Variants in TMEM43 observed in about 807,000 individuals in gnomAD.
TMEM43 encodes transmembrane protein 43.
A neutral mutation model predicts 49.6 loss-of-function variants in TMEM43; 45 were observed. That is an observed-to-expected ratio of 0.91 (90% CI 0.71 to 1.16). The LOEUF is 1.16. Among genes scored for constraint, TMEM43 ranks in the 50% most tolerant of loss-of-function variants. The probability of loss-of-function intolerance (pLI) is 0.00; values close to 1 mark genes in which losing one functional copy is unlikely to be tolerated. For missense variants in TMEM43, 532 were observed against 516.6 expected (o/e 1.03, Z -0.29); for synonymous variants, 199 against 207.8 (o/e 0.96, Z 0.36).
At chr3:14,136,330 T>C (rs1290503651) in intron 10 of TMEM43, among the ~76,000 whole-genome samples, 2 of 152,214 alleles carry the variant, frequency 1.3e-5, no homozygotes, top group Non-Finnish European at 2.9e-5. Flanking sequence ...TTTTGGATTG[T>C]GGATGCTGAG....
intron 11 of TMEM43, 47 bp downstream of exon 11, chr3:14,139,344 G>A (rs997072431): frequency 1.5e-6 from 2 of 1,332,816 alleles, no homozygotes; most frequent in Non-Finnish European, 2.2e-6. Context: ...ACCCTGAAAG[G>A]GCCTCCTCTG....
At chr3:14,135,315 C>T (rs181840641) in intron 9 of TMEM43, 83 bp downstream of exon 9, 18 of 1,151,934 alleles carry the variant, frequency 1.6e-5, no homozygotes, top group East Asian at 1.2e-4. Flanking sequence ...ATGTCAGGAG[C>T]GCTTGGACCC....
Position 14,138,345 on chromosome 3 carries a change from G to A in TMEM43, c.883-835G>A, listed in dbSNP as rs534430365. On this transcript the variant is annotated intron_variant, in intron 10 of 11. Transcript: ENST00000306077. The stretch of plus-strand genomic sequence containing the variant: ...TGGCAGGGCTCTGGCAGGTGACTGT[G>A]TGGAGAACACAGAGTGGGTGATAGA... Among the ~76,000 whole-genome samples, 144 of 152,292 alleles carry A rather than the reference G, an allele frequency of 9.5e-4. 1 individual carries two copies. The highest frequency in any genetic ancestry group is 3.4e-3 in the Middle Eastern group (1 of 294).
chr3:14,137,309 A>G (rs980001764), intron 10 of TMEM43: 2 of 152,174 alleles, frequency 1.3e-5, no homozygotes, highest in African/African-American at 4.8e-5. Context: ...GCGAGTTTCT[A>G]AAATTAGGAG....
At chr3:14,136,798 T>C (rs1695176230) in intron 10 of TMEM43, among the ~76,000 whole-genome samples, 1 of 143,200 alleles carries the variant, frequency 7.0e-6, no homozygotes, top group Admixed American at 7.4e-5. Flanking sequence ...CCCTCTCCCA[T>C]TGTAAATAGG....
At chr3:14,127,922 A>G (rs1695040385) in intron 1 of TMEM43, among the ~76,000 whole-genome samples, 1 of 152,088 alleles carries the variant, frequency 6.6e-6, no homozygotes, top group African/African-American at 2.4e-5. Flanking sequence ...GCCCCACTTT[A>G]CATCTTTGTG....
chr3:14,125,119 G>T lies in TMEM43; in HGVS notation c.-75G>T. On this transcript the variant is annotated 5_prime_UTR_variant, in exon 1 of 12. Transcript: ENST00000306077. ...AAGCTGGGGCTGGCAAGAGGCCGCTGGACACCACGCTCCAGTCGTCAGCCC... is the reference window on the plus strand; with the variant it reads ...AAGCTGGGGCTGGCAAGAGGCCGCTTGACACCACGCTCCAGTCGTCAGCCC... 2 of 1,590,996 alleles carry T rather than the reference G, an allele frequency of 1.3e-6. No individual in the cohort carries two copies. The highest frequency in any genetic ancestry group is 1.7e-6 in the Non-Finnish European group (2 of 1,168,828).
rs143124744 is a variant in TMEM43 at position 14,133,790 on chromosome 3, C to T, written c.564C>T (p.Gly188=). The change falls in exon 7 of 12, where the codon GGC becomes GGT. Residue 188 remains glycine (G), a synonymous_variant. Transcript: ENST00000306077. The part of the protein sequence containing the change: ...FMATAPFVQI[G]RFFLSSGLID... ...CAACAGCCCCCTTTGTCCAAATTGG[C>T]AGGTTTTTCCTCTCGTCAGGTAAGT... 73 of 1,614,184 alleles carry T rather than the reference C, an allele frequency of 4.5e-5. 1 individual carries two copies. In the African/African-American group the frequency reaches 9.3e-4, roughly 21 times the overall value.
intron 9 of TMEM43, among the ~76,000 whole-genome samples, chr3:14,135,542 C>T (rs1460975739): frequency 1.3e-5 from 2 of 152,208 alleles, no homozygotes; most frequent in Non-Finnish European, 2.9e-5. Context: ...ATTGGTCTTG[C>T]GTTCCTGGCC....
At chr3:14,131,943 G>C (rs1392377646) in intron 4 of TMEM43, among the ~76,000 whole-genome samples, 1 of 152,194 alleles carries the variant, frequency 6.6e-6, no homozygotes, top group East Asian at 1.9e-4. Flanking sequence ...AGCATGACTT[G>C]GAGCAGGCCT....
chr3:14,140,442 G>T (rs1278207180), intron 11 of TMEM43, among the ~76,000 whole-genome samples: 4 of 152,140 alleles, frequency 2.6e-5, no homozygotes, highest in Non-Finnish European at 5.9e-5. Context: ...CCCCAGGGTG[G>T]GTGGGGAGAG....
chr3:14,142,594 T>C lies in TMEM43; in HGVS notation c.*799T>C, dbSNP rs549990365. ...AAAAAACACTTAATATTTCAGACTG[T>C]TACAGGAAACACCCTTTAGTCTGTC... is the stretch of plus-strand genomic sequence containing the variant. On this transcript the variant is annotated 3_prime_UTR_variant, in exon 12 of 12. Coordinates refer to ENST00000306077, the MANE Select transcript of TMEM43 (RefSeq NM_024334.3). 2 of 152,792 alleles carry C rather than the reference T, an allele frequency of 1.3e-5. 1 individual carries two copies. The highest frequency in any genetic ancestry group is 1.3e-4 in the Admixed American group (2 of 15,312). 9.5% of individuals were successfully genotyped at this position (152,792 alleles called of 1,614,324 possible). A position where few individuals can be genotyped will look rare whatever the true frequency, so the allele number is the denominator to read the frequency against.
Position 14,142,126 on chromosome 3 carries a change from G to A in TMEM43, c.*331G>A, listed in dbSNP as rs1695258328. ...CAGCCCATTGGCAGCTGACAACGCA[G>A]ACACGCTCTACGGAGGCCTGCTGAT... On this transcript the variant is annotated 3_prime_UTR_variant, in exon 12 of 12. Coordinates refer to ENST00000306077, the MANE Select transcript of TMEM43 (RefSeq NM_024334.3). 1 of 394,058 alleles carries A rather than the reference G, an allele frequency of 2.5e-6. No homozygotes were observed. The allele number at this position is 394,058 out of a possible 1,614,324, so 24.4% of individuals were successfully genotyped here.
rs1297155669 is a variant in TMEM43, at chr3:14,125,181, G to C, written c.-13G>C. ...GAACAGCGCGAGGCGGCGGCAGCGA[G>C]CCGGGTCCCACCATGGCCGCGAATG... On this transcript the variant is annotated 5_prime_UTR_variant, in exon 1 of 12. Transcript: ENST00000306077. The C allele has an allele frequency of 1.2e-6, 2 of 1,609,986 alleles. No individual in the cohort carries two copies. Among genetic ancestry groups the C allele is most frequent in the African/African-American group, 2.7e-5 (2 of 74,916 alleles).
In TMEM43 at chr3:14,131,682, G is replaced by C. The variant is rs187725428; in HGVS notation, c.392+8G>C. 3.1e-6 allele frequency: 5 copies of C among 1,609,270 alleles called. No homozygotes were observed. The highest frequency in any genetic ancestry group is 3.4e-6 in the Non-Finnish European group (4 of 1,175,912). On this transcript the variant is annotated splice_region_variant and intron_variant, in intron 4 of 11. Coordinates refer to ENST00000306077, the MANE Select transcript of TMEM43 (RefSeq NM_024334.3). Reference sequence around the variant, plus strand: ...AGAAACTGAGGAGTCCAGGTGAGCTGTTGGGGTGAAAACTCTGTTGGGGTA... The same window carrying C: ...AGAAACTGAGGAGTCCAGGTGAGCTCTTGGGGTGAAAACTCTGTTGGGGTA...
chr3:14,135,781 G>A, intron 9 of TMEM43, 26 bp from the exon 10 acceptor site: 2 of 1,605,108 alleles, frequency 1.2e-6, no homozygotes, highest in Non-Finnish European at 1.7e-6. Context: ...TCACCCCTCA[G>A]CTCTAACACC....
intron 11 of TMEM43, among the ~76,000 whole-genome samples, chr3:14,140,688 A>T (rs1304376244): frequency 2.6e-5 from 4 of 152,254 alleles, no homozygotes; most frequent in African/African-American, 9.6e-5. Context: ...GGAGTTAAGA[A>T]GAGTACCTAC....
At chr3:14,141,566 A>C in intron 11 of TMEM43, 27 bp from the exon 12 acceptor site, 17 of 1,569,398 alleles carry the variant, frequency 1.1e-5, no homozygotes, top group Non-Finnish European at 1.4e-5. Context: ...AGCAGGTGGC[A>C]CCTCATCACC....
In TMEM43 at chr3:14,141,908, A is replaced by AC; in HGVS notation, c.*114dup. ...AGCCCCGGTCAATTTTGGACTCTGC[A>AC]CTCCCTCTCCTCTTCAGGGGCCAGA... On this transcript the variant is annotated 3_prime_UTR_variant, in exon 12 of 12. Transcript: ENST00000306077. The AC allele has an allele frequency of 9.1e-7, 1 of 1,104,362 alleles. No individual in the cohort carries two copies. The highest frequency in any genetic ancestry group is 1.3e-6 in the Non-Finnish European group (1 of 776,516). The allele number at this position is 1,104,362 out of a possible 1,614,324, so 68.4% of individuals were successfully genotyped here.
Sources: allele counts gnomAD v4.1 joint callset (sites outside exome capture counted in the v4.1 genomes callset), GRCh38; gene constraint gnomAD v4.1.1; transcripts MANE v1.5; gene names NCBI Gene and HGNC (gene_info 2026-07-23, HGNC 2026-07-21).